Variants in TPGS2 observed in about 807,000 individuals in gnomAD.
TPGS2 encodes polyglutamylase subunit 2.
In TPGS2, 26 loss-of-function variants were observed where a neutral mutation model predicts 31.1. That is an observed-to-expected ratio of 0.84 (90% CI 0.61 to 1.16). The LOEUF is 1.16. Among genes scored for constraint, TPGS2 ranks in the 50% most tolerant of loss-of-function variants. The pLI is 0.00. For synonymous variants in TPGS2, 130 were observed against 136.6 expected (o/e 0.95, Z 0.34); for missense variants, 351 against 363.8 (o/e 0.96, Z 0.29).
intron 2 of TPGS2, chr18:36,817,618 T>G (rs2045715406): frequency 6.6e-6 from 1 of 152,042 alleles, no homozygotes; most frequent in Non-Finnish European, 1.5e-5. Flanking sequence ...ATTATTGTTT[T>G]GTAGAGCTGG....
chr18:36,794,262 C>A lies in TPGS2; in HGVS notation c.*2543G>T. 6 of 984,742 alleles carry A rather than the reference C, an allele frequency of 6.1e-6. No homozygotes were observed. Among genetic ancestry groups the A allele is most frequent in the Non-Finnish European group, 7.2e-6 (6 of 829,336 alleles). 61.0% of individuals were successfully genotyped at this position (984,742 alleles called of 1,614,324 possible). On this transcript the variant is annotated 3_prime_UTR_variant, in exon 7 of 7. Transcript: ENST00000334295. ...GTTTTCCTGCTGTTTGCACAAAAGC[C>A]TCACATCTTCATTTTGTACTGGATC...
At chr18:36,822,849 A>G (rs1330731063) in intron 1 of TPGS2, among the ~76,000 whole-genome samples, 2 of 152,138 alleles carry the variant, frequency 1.3e-5, no homozygotes, top group African/African-American at 4.8e-5. Context: ...TTTTCCCACC[A>G]TGGCCTCCCA....
intron 1 of TPGS2, chr18:36,823,931 C>G (rs1159744428): frequency 1.1e-6 from 1 of 877,910 alleles, no homozygotes; most frequent in Non-Finnish European, 1.4e-6. Context: ...TTAAAAATAG[C>G]TTTACTGAGA....
intron 4 of TPGS2, among the ~76,000 whole-genome samples, chr18:36,804,272 G>A (rs1191172627): frequency 6.6e-6 from 1 of 152,128 alleles, no homozygotes; most frequent in African/African-American, 2.4e-5. Flanking sequence ...GCAGGTGTCG[G>A]AAGGCCAAGT....
At chr18:36,780,288 G>C (rs1567984492), downstream of TPGS2, 1 of 911,632 alleles carries the variant, frequency 1.1e-6, no homozygotes, top group Non-Finnish European at 1.4e-6. Context: ...GTTAGCTGTT[G>C]TTAACCTAAC....
At chr18:36,819,596 G>A (rs1425650661) in intron 1 of TPGS2, among the ~76,000 whole-genome samples, 1 of 152,186 alleles carries the variant, frequency 6.6e-6, no homozygotes, top group Non-Finnish European at 1.5e-5. Context: ...CTCTGAGGGA[G>A]AGCAGAAGCC....
At chr18:36,822,891 G>C (rs2045955483) in intron 1 of TPGS2, among the ~76,000 whole-genome samples, 1 of 152,176 alleles carries the variant, frequency 6.6e-6, no homozygotes, top group African/African-American at 2.4e-5. Context: ...GAGCCGCAGT[G>C]CCCAGCCATG....
chr18:36,808,075 T>C (rs2045251272), intron 2 of TPGS2, 141 bp from the exon 3 acceptor site: 2 of 791,148 alleles, frequency 2.5e-6, no homozygotes, highest in South Asian at 3.5e-5. Flanking sequence ...CAAAACTCTA[T>C]TAGAGAGGCA....
rs1357746428 is a variant in TPGS2 at position 36,794,224 on chromosome 18, C to G, written c.*2581G>C. On this transcript the variant is annotated 3_prime_UTR_variant, in exon 7 of 7. Transcript: ENST00000334295. ...AAGGAAAAACATTACATTTTAGTAC[C>G]TGTAAAGGTAATGTTTTCCTGCTGT... The G allele has an allele frequency of 2.1e-6, 2 of 937,620 alleles. No homozygotes were observed. The highest frequency in any genetic ancestry group is 1.2e-4 in the East Asian group (1 of 8,590). The allele number at this position is 937,620 out of a possible 1,614,324, so 58.1% of individuals were successfully genotyped here.
chr18:36,795,028 C>CTT lies in TPGS2; in HGVS notation c.*1775_*1776dup, dbSNP rs1287533057. The CTT allele has an allele frequency of 3.0e-6, 3 of 985,410 alleles. No homozygotes were observed. The East Asian group carries it at 3.4e-4, about 112-fold the overall frequency. 61.0% of individuals were successfully genotyped at this position (985,410 alleles called of 1,614,324 possible). Reference sequence around the variant, plus strand: ...ACTCTTAAGCGCTGATATTTCAAGACTTTGAACTATTACAAATATGGGGAA... The same window carrying CTT: ...ACTCTTAAGCGCTGATATTTCAAGACTTTTTGAACTATTACAAATATGGGGAA... On this transcript the variant is annotated 3_prime_UTR_variant, in exon 7 of 7. Coordinates refer to ENST00000334295, the MANE Select transcript of TPGS2 (RefSeq NM_015476.4).
intron 4 of TPGS2, among the ~76,000 whole-genome samples, chr18:36,801,532 C>T (rs901454530): frequency 6.6e-6 from 1 of 152,100 alleles, no homozygotes; most frequent in African/African-American, 2.4e-5. Context: ...TGGAGTTTCG[C>T]TATGTTGCCT....
intron 1 of TPGS2, chr18:36,820,841 A>G (rs1259635146): frequency 6.6e-6 from 1 of 152,236 alleles, no homozygotes; most frequent in Non-Finnish European, 1.5e-5. Context: ...AAGATGCCAT[A>G]TATGAGAAGC....
intron 3 of TPGS2, among the ~76,000 whole-genome samples, chr18:36,806,450 A>G (rs928244719): frequency 1.1e-4 from 17 of 152,194 alleles, no homozygotes; most frequent in East Asian, 5.8e-4. Flanking sequence ...AGCCACGGCC[A>G]TGCTATAAAA....
At chr18:36,825,508 G>C (rs1334274490) in intron 1 of TPGS2, among the ~76,000 whole-genome samples, 2 of 149,220 alleles carry the variant, frequency 1.3e-5, no homozygotes, top group East Asian at 3.9e-4. Flanking sequence ...TTATTTCATT[G>C]ATCTACATTT....
chr18:36,810,555 G>A (rs2045377509), intron 2 of TPGS2, among the ~76,000 whole-genome samples: 1 of 152,116 alleles, frequency 6.6e-6, no homozygotes. Context: ...GAATGGAGGA[G>A]GGTAATATCA....
chr18:36,791,711 G>GA (rs2044315739), downstream of TPGS2, among the ~76,000 whole-genome samples: 1 of 152,132 alleles, frequency 6.6e-6, no homozygotes, highest in Admixed American at 6.5e-5. Context: ...TGGAAAAACA[G>GA]AATCCAGTCT....
At chr18:36,823,832 T>C (rs2046013879) in intron 1 of TPGS2, 2 of 985,234 alleles carry the variant, frequency 2.0e-6, no homozygotes, top group South Asian at 9.4e-5. Flanking sequence ...CCATTTAATG[T>C]AACATAATCA....
intron 2 of TPGS2, among the ~76,000 whole-genome samples, chr18:36,817,308 CCT>C (rs2045699403): frequency 6.6e-6 from 1 of 152,160 alleles, no homozygotes; most frequent in South Asian, 2.1e-4. Context: ...ATGGTGTTGT[CCT>C]CTGTCAGAGG....
intron 4 of TPGS2, among the ~76,000 whole-genome samples, chr18:36,800,910 G>A (rs145713114): frequency 1.3e-4 from 20 of 152,182 alleles, no homozygotes; most frequent in East Asian, 1.2e-3. Flanking sequence ...GACTGCTCTC[G>A]AACTCCTGAC....
Sources: allele counts gnomAD v4.1 joint callset (sites outside exome capture counted in the v4.1 genomes callset), GRCh38; gene constraint gnomAD v4.1.1; transcripts MANE v1.5; gene names NCBI Gene and HGNC (gene_info 2026-07-23, HGNC 2026-07-21).